Variants in KCNH1 observed in about 807,000 individuals in gnomAD.
KCNH1 encodes potassium voltage-gated channel subfamily H member 1.
In KCNH1, 27 loss-of-function variants were observed where a neutral mutation model predicts 69.2. That is an observed-to-expected ratio of 0.39 (90% CI 0.29 to 0.54). KCNH1 has a LOEUF of 0.54. KCNH1 is among the 20% of genes least tolerant of loss of function. The pLI is 0.68. For synonymous variants in KCNH1, 456 were observed against 487.7 expected, an observed-to-expected ratio of 0.93 and a Z score of 0.86; for missense variants, 798 against 1,261.6, an observed-to-expected ratio of 0.63 and a Z score of 5.57.
chr1:210,726,087 A>C (rs750192778), intron 10 of KCNH1, among the ~76,000 whole-genome samples: 19 of 152,332 alleles, frequency 1.2e-4, no homozygotes, highest in Non-Finnish European at 1.9e-4. Context: ...GGAATGGAAG[A>C]ACAAAGTAAC....
intron 6 of KCNH1, among the ~76,000 whole-genome samples, chr1:210,996,148 G>A (rs551553491): frequency 4.6e-5 from 7 of 152,244 alleles, no homozygotes; most frequent in East Asian, 1.9e-4. Context: ...AGAACAGTGG[G>A]TGCACTGCAT....
chr1:211,060,400 C>CAAAAAAA (rs60620622), intron 5 of KCNH1, among the ~76,000 whole-genome samples: 22 of 44,328 alleles, frequency 5.0e-4, no homozygotes, highest in South Asian at 1.2e-3. Flanking sequence ...GACTCCGTCT[C>CAAAAAAA]AAAAAAAAAA....
chr1:210,728,670 C>T (rs895434309), intron 10 of KCNH1, among the ~76,000 whole-genome samples: 7 of 152,192 alleles, frequency 4.6e-5, no homozygotes, highest in African/African-American at 7.2e-5. Flanking sequence ...CATCCAGGGA[C>T]GCAGCTGCCA....
At chr1:210,872,639 A>T (rs993360872) in intron 7 of KCNH1, among the ~76,000 whole-genome samples, 8 of 152,312 alleles carry the variant, frequency 5.3e-5, no homozygotes, top group Middle Eastern at 3.4e-3. Flanking sequence ...AAGGTGTCTT[A>T]CATGGTAGAG....
At chr1:210,849,245 C>A (rs1205292888) in intron 7 of KCNH1, among the ~76,000 whole-genome samples, 1 of 152,054 alleles carries the variant, frequency 6.6e-6, no homozygotes, top group Non-Finnish European at 1.5e-5. Flanking sequence ...CTAAGAATTT[C>A]TGTAAGGATT....
chr1:211,057,976 A>G (rs1225977079), intron 5 of KCNH1, among the ~76,000 whole-genome samples: 2 of 152,188 alleles, frequency 1.3e-5, no homozygotes, highest in African/African-American at 4.8e-5. Flanking sequence ...AACAGAAAAG[A>G]AACAACACAC....
intron 10 of KCNH1, among the ~76,000 whole-genome samples, chr1:210,710,596 T>C (rs983433978): frequency 6.6e-6 from 1 of 152,198 alleles, no homozygotes; most frequent in African/African-American, 2.4e-5. Context: ...ACCACTACCA[T>C]TGATGGCATT....
At chr1:210,954,420 A>G (rs1035711926) in intron 6 of KCNH1, among the ~76,000 whole-genome samples, 1 of 152,222 alleles carries the variant, frequency 6.6e-6, no homozygotes, top group African/African-American at 2.4e-5. Flanking sequence ...GTATATACCC[A>G]GTAATGGGAT....
intron 10 of KCNH1, among the ~76,000 whole-genome samples, chr1:210,704,922 C>T (rs576424383): frequency 1.3e-5 from 2 of 152,284 alleles, no homozygotes; most frequent in African/African-American, 4.8e-5. Context: ...AACCTCATTG[C>T]TGGACTGCAA....
intron 7 of KCNH1, among the ~76,000 whole-genome samples, chr1:210,815,619 GGCT>G (rs1450435580): frequency 6.6e-6 from 1 of 151,984 alleles, no homozygotes; most frequent in Non-Finnish European, 1.5e-5. Context: ...CTCTCTACAG[GGCT>G]AGTTCACCTA....
intron 6 of KCNH1, among the ~76,000 whole-genome samples, chr1:211,008,483 G>A (rs115099246): frequency 0.013 from 1,985 of 152,170 alleles, 48 homozygotes; most frequent in African/African-American, 0.045. Context: ...AATACTACAC[G>A]CCAGTAAAAG....
chr1:210,709,121 C>T (rs777929970), intron 10 of KCNH1, among the ~76,000 whole-genome samples: 3 of 152,104 alleles, frequency 2.0e-5, no homozygotes, highest in African/African-American at 4.8e-5. Context: ...CAAGGTGGCA[C>T]GCCTGTGGTC....
chr1:210,826,120 T>C (rs1443544304), intron 7 of KCNH1, among the ~76,000 whole-genome samples: 1 of 152,184 alleles, frequency 6.6e-6, no homozygotes, highest in Non-Finnish European at 1.5e-5. Flanking sequence ...TTCACAAAAG[T>C]ATTAGTGTGA....
chr1:210,915,557 G>A lies in KCNH1; in HGVS notation c.1462+4083C>T, dbSNP rs143557261. Among the ~76,000 whole-genome samples, 1,159 of 149,338 alleles carry A rather than the reference G, an allele frequency of 7.8e-3. 7 individuals carry two copies. Among genetic ancestry groups the A allele is most frequent in the Middle Eastern group, 0.014 (4 of 288 alleles). On this transcript the variant is annotated intron_variant, in intron 7 of 10. Coordinates refer to ENST00000271751, the MANE Select transcript of KCNH1 (RefSeq NM_172362.3). ...CTACACAGGGAAGGCAGGGAAACCA[G>A]GGCAGAAGCTGGCTTGCCCCTGATC...
At chr1:211,084,192 C>T (rs1487908348) in intron 4 of KCNH1, among the ~76,000 whole-genome samples, 1 of 151,682 alleles carries the variant, frequency 6.6e-6, no homozygotes, top group African/African-American at 2.4e-5. Context: ...TGACATCTCC[C>T]CCAGTGTCAA....
intron 6 of KCNH1, among the ~76,000 whole-genome samples, chr1:210,990,445 C>A (rs975667275): frequency 1.3e-5 from 2 of 152,142 alleles, no homozygotes; most frequent in African/African-American, 2.4e-5. Context: ...TGGTGGCTAG[C>A]AGGGTGCCCA....
chr1:210,977,575 T>G (rs1688638414), intron 6 of KCNH1, among the ~76,000 whole-genome samples: 1 of 152,186 alleles, frequency 6.6e-6, no homozygotes, highest in African/African-American at 2.4e-5. Context: ...AATGAGATCA[T>G]GCAGTATTTG....
chr1:210,720,773 A>T lies in KCNH1; in HGVS notation c.2113-36635T>A, dbSNP rs1384746136. Reference sequence around the variant, plus strand: ...ACTCTGGCCTAGGAAAAGGGGGTAGATGTCTTTCATAACCAGGGATAGGAG... The same window carrying T: ...ACTCTGGCCTAGGAAAAGGGGGTAGTTGTCTTTCATAACCAGGGATAGGAG... On this transcript the variant is annotated intron_variant, in intron 10 of 10. Coordinates refer to ENST00000271751, the MANE Select transcript of KCNH1 (RefSeq NM_172362.3). 2.6e-5 allele frequency among the ~76,000 whole-genome samples: 4 copies of T among 152,154 alleles called. No individual in the cohort carries two copies. The East Asian group carries it at 7.7e-4, about 29-fold the overall frequency.
chr1:210,845,208 A>G (rs953317703), intron 7 of KCNH1, among the ~76,000 whole-genome samples: 2 of 152,166 alleles, frequency 1.3e-5, no homozygotes, highest in African/African-American at 2.4e-5. Context: ...AAAAGAGGGA[A>G]TCCTCCCCAA....
Sources: allele counts gnomAD v4.1 joint callset (sites outside exome capture counted in the v4.1 genomes callset), GRCh38; gene constraint gnomAD v4.1.1; transcripts MANE v1.5; gene names NCBI Gene and HGNC (gene_info 2026-07-23, HGNC 2026-07-21).